RALGAPA2: variants seen among roughly 807,000 people sequenced by gnomAD.
RALGAPA2 encodes Ral GTPase activating protein catalytic subunit alpha 2.
A neutral mutation model predicts 230.4 loss-of-function variants in RALGAPA2; 139 were observed. The ratio of observed to expected loss-of-function variants is 0.60; its 90% CI spans 0.53 to 0.69. The LOEUF (loss-of-function observed/expected upper bound fraction) is 0.69, where lower values mean the gene tolerates loss of function less well. RALGAPA2 is among the 30% of genes least tolerant of loss of function. The pLI is 0.00. For synonymous variants in RALGAPA2, 847 were observed against 837.8 expected, an observed-to-expected ratio of 1.01 and a Z score of -0.19; for missense variants, 2,163 against 2,276.0, an observed-to-expected ratio of 0.95 and a Z score of 1.01.
intron 38 of RALGAPA2, among the ~76,000 whole-genome samples, chr20:20,399,310 C>T (rs2059783065): frequency 1.5e-5 from 2 of 136,726 alleles, no homozygotes; most frequent in African/African-American, 5.4e-5. Context: ...TGCCATTGCA[C>T]TACATCCTGG....
intron 39 of RALGAPA2, 64 bp from the exon 40 acceptor site, chr20:20,393,317 C>G (rs1393011891): frequency 8.6e-7 from 1 of 1,166,500 alleles, no homozygotes; most frequent in African/African-American, 1.6e-5. Flanking sequence ...CCACACATTT[C>G]AGGGAGGATC....
chr20:20,659,116 C>G (rs1469494174), intron 3 of RALGAPA2, among the ~76,000 whole-genome samples: 2 of 152,076 alleles, frequency 1.3e-5, no homozygotes, highest in Admixed American at 6.6e-5. Context: ...GTTACTTGAC[C>G]TTTTGAATAA....
Position 20,640,720 on chromosome 20 carries a change from G to A in RALGAPA2, c.531C>T (p.Pro177=). ...GPCTLETLIN[P]SPSVADVKIY... ...ACTTACCATCAGCTACACTAGGGCT[G>A]GGATTGATGAGTGTCTCCAGTGTGC... The change falls in exon 6 of 40, where the codon CCC becomes CCT. Residue 177 remains proline, a synonymous_variant. Transcript: ENST00000202677. 6.2e-7 allele frequency: 1 copy of A among 1,613,618 alleles called. No individual in the cohort carries two copies. The highest frequency in any genetic ancestry group is 8.5e-7 in the Non-Finnish European group (1 of 1,179,670).
intron 23 of RALGAPA2, among the ~76,000 whole-genome samples, chr20:20,555,688 T>C (rs2064063635): frequency 6.6e-6 from 1 of 152,224 alleles, no homozygotes; most frequent in Non-Finnish European, 1.5e-5. Flanking sequence ...GCTTTCTTAA[T>C]TTCATTTTAA....
chr20:20,428,411 T>C (rs1174197606), intron 37 of RALGAPA2, among the ~76,000 whole-genome samples: 3 of 152,038 alleles, frequency 2.0e-5, no homozygotes, highest in East Asian at 3.9e-4. Context: ...GAAAAAAAAA[T>C]AGCCAAATTG....
chr20:20,420,679 C>T (rs1002330723), intron 37 of RALGAPA2, among the ~76,000 whole-genome samples: 1 of 152,118 alleles, frequency 6.6e-6, no homozygotes, highest in African/African-American at 2.4e-5. Context: ...AGGAGGCAGG[C>T]ACGACCCTCC....
chr20:20,682,055 G>A (rs1435698560), intron 1 of RALGAPA2, among the ~76,000 whole-genome samples: 2 of 152,174 alleles, frequency 1.3e-5, no homozygotes, highest in Non-Finnish European at 2.9e-5. Context: ...TATAACGTTA[G>A]CAATAATGCA....
At chr20:20,524,279 C>T (rs184685997) in intron 30 of RALGAPA2, 127 bp downstream of exon 30, 16 of 1,293,328 alleles carry the variant, frequency 1.2e-5, no homozygotes, top group East Asian at 7.7e-5. Flanking sequence ...TTTAAGAAAA[C>T]GTTTAAGCCA....
chr20:20,648,207 A>C (rs2067280462), intron 4 of RALGAPA2, among the ~76,000 whole-genome samples: 1 of 152,184 alleles, frequency 6.6e-6, no homozygotes, highest in Non-Finnish European at 1.5e-5. Context: ...TAAACCCTAA[A>C]ATAATTACGC....
intron 38 of RALGAPA2, among the ~76,000 whole-genome samples, chr20:20,400,710 G>A (rs1301660767): frequency 6.6e-6 from 1 of 152,120 alleles, no homozygotes; most frequent in African/African-American, 2.4e-5. Flanking sequence ...GAATTCACAT[G>A]AGTGAGTGGC....
At chr20:20,609,763 A>T (rs1478814574) in intron 14 of RALGAPA2, among the ~76,000 whole-genome samples, 3 of 152,206 alleles carry the variant, frequency 2.0e-5, no homozygotes, top group Non-Finnish European at 2.9e-5. Flanking sequence ...TTCGCTGAGA[A>T]AGCAAAGTGT....
intron 20 of RALGAPA2, among the ~76,000 whole-genome samples, chr20:20,575,550 T>C (rs568945574): frequency 2.0e-5 from 3 of 152,240 alleles, no homozygotes; most frequent in African/African-American, 4.8e-5. Flanking sequence ...CTAATTTACT[T>C]TCACCATTTT....
At chr20:20,551,665 G>A (rs1190691682) in intron 23 of RALGAPA2, among the ~76,000 whole-genome samples, 2 of 152,158 alleles carry the variant, frequency 1.3e-5, no homozygotes, top group Non-Finnish European at 2.9e-5. Context: ...CCTGGTAAAT[G>A]AATCGCTTTA....
In RALGAPA2 at chr20:20,481,778, C is replaced by T. The variant is rs146544234; in HGVS notation, c.5368-8822G>A. Among the ~76,000 whole-genome samples, 619 of 152,194 alleles carry T rather than the reference C, an allele frequency of 4.1e-3. 5 individuals carry two copies. Among genetic ancestry groups the T allele is most frequent in the African/African-American group, 0.014 (593 of 41,532 alleles). The stretch of plus-strand genomic sequence containing the variant: ...GGATTTAGGATGCTGGACTTGGTGC[C>T]AGAATCAAGTACTCTTGGATAAATT... On this transcript the variant is annotated intron_variant, in intron 36 of 39. Coordinates refer to ENST00000202677, the MANE Select transcript of RALGAPA2 (RefSeq NM_020343.4).
At chr20:20,580,541 G>C (rs146937674) in intron 20 of RALGAPA2, among the ~76,000 whole-genome samples, 2 of 152,192 alleles carry the variant, frequency 1.3e-5, no homozygotes, top group African/African-American at 4.8e-5. Flanking sequence ...ACCCTGCCTT[G>C]CCTTGCTATT....
At chr20:20,544,620 C>A (rs2063732936) in intron 24 of RALGAPA2, among the ~76,000 whole-genome samples, 1 of 152,116 alleles carries the variant, frequency 6.6e-6, no homozygotes, top group South Asian at 2.1e-4. Context: ...GGAACCAACC[C>A]AAATGCCCAT....
At chr20:20,609,795 A>G (rs1414426356) in intron 14 of RALGAPA2, among the ~76,000 whole-genome samples, 1 of 152,230 alleles carries the variant, frequency 6.6e-6, no homozygotes, top group Non-Finnish European at 1.5e-5. Context: ...ATGTCCAGGC[A>G]GGCAGCAAAG....
At chr20:20,649,908 G>C (rs1442683826) in intron 4 of RALGAPA2, among the ~76,000 whole-genome samples, 1 of 152,140 alleles carries the variant, frequency 6.6e-6, no homozygotes, top group African/African-American at 2.4e-5. Context: ...GAGATGTCAA[G>C]CAGTCACCTT....
At chr20:20,485,868 G>C (rs560621686) in intron 36 of RALGAPA2, among the ~76,000 whole-genome samples, 1 of 152,312 alleles carries the variant, frequency 6.6e-6, no homozygotes, top group Admixed American at 6.5e-5. Context: ...GGCTGGGTGT[G>C]GTGGCTCATG....
Sources: gnomAD v4.1 joint callset for allele counts (sites outside exome capture counted in the v4.1 genomes callset) on GRCh38, gnomAD v4.1.1 for gene constraint, MANE v1.5 for transcripts, NCBI Gene and HGNC (gene_info 2026-07-23, HGNC 2026-07-21) for gene names.